Variants in ARL13B observed in about 807,000 individuals in gnomAD.
The protein encoded by ARL13B is ARF like GTPase 13B.
ARL13B carries 36 observed loss-of-function variants against 56.1 expected under a neutral mutation model. That is an observed-to-expected ratio of 0.64 (90% CI 0.49 to 0.85). The LOEUF is 0.85. Ranked by LOEUF, ARL13B falls within the 40% of genes least tolerant of loss-of-function variation. ARL13B has a pLI of 0.00. For synonymous variants in ARL13B, 178 were observed against 171.1 expected (o/e 1.04, Z -0.32); for missense variants, 519 against 507.1 (o/e 1.02, Z -0.23).
chr3:94,013,459 TA>T (rs764274872), intron 3 of ARL13B, among the ~76,000 whole-genome samples: 4 of 152,244 alleles, frequency 2.6e-5, no homozygotes, highest in Non-Finnish European at 5.9e-5. Context: ...CAGTTGCCTT[TA>T]ATTTGACTTT....
At chr3:94,042,823 T>C (rs996016311) in intron 6 of ARL13B, among the ~76,000 whole-genome samples, 192 bp from the exon 7 acceptor site, 9 of 152,208 alleles carry the variant, frequency 5.9e-5, no homozygotes, top group African/African-American at 1.7e-4. Flanking sequence ...GCTTTTGTTA[T>C]ACTTTCTGTT....
chr3:94,026,063 A>G (rs2076550598), intron 3 of ARL13B, among the ~76,000 whole-genome samples: 1 of 141,872 alleles, frequency 7.0e-6, no homozygotes, highest in South Asian at 2.2e-4. Context: ...TCTGTCGCCC[A>G]GGCTGGAGTG....
intron 3 of ARL13B, among the ~76,000 whole-genome samples, chr3:94,033,722 A>T (rs1016617750): frequency 5.3e-5 from 8 of 152,226 alleles, no homozygotes; most frequent in Non-Finnish European, 8.8e-5. Flanking sequence ...AGTTAATTTT[A>T]TACCACCAAA....
intron 1 of ARL13B, among the ~76,000 whole-genome samples, 184 bp downstream of exon 1, chr3:93,980,666 C>T (rs1381223818): frequency 1.3e-5 from 2 of 151,922 alleles, no homozygotes; most frequent in African/African-American, 2.4e-5. Flanking sequence ...GGTCGACTTT[C>T]TGTTGCGATT....
In ARL13B at chr3:94,029,341, TTTTTTTTA is replaced by T. The variant is rs1172096763; in HGVS notation, c.381-5982_381-5975del. Among the ~76,000 whole-genome samples the T allele has an allele frequency of 3.2e-3, 307 of 96,530 alleles. 9 individuals are homozygous for T. Among genetic ancestry groups the T allele is most frequent in the African/African-American group, 0.016 (269 of 16,408 alleles). 63.3% of individuals were successfully genotyped at this position (96,530 alleles called of 152,430 possible). A position where few individuals can be genotyped will look rare whatever the true frequency, so the allele number is the denominator to read the frequency against. ...ATATATATATATATATATATTTATT[TTTTTTTTA>T]TTTTTTTTTTTTTTTGAGAAGGAGT... On this transcript the variant is annotated intron_variant, in intron 3 of 9. Coordinates refer to ENST00000394222, the MANE Select transcript of ARL13B (RefSeq NM_001174150.2).
chr3:94,032,670 G>C (rs1298159620), intron 3 of ARL13B, among the ~76,000 whole-genome samples: 1 of 152,006 alleles, frequency 6.6e-6, no homozygotes, highest in African/African-American at 2.4e-5. Flanking sequence ...CTAGTTTTTT[G>C]TATTTTTAGT....
At chr3:94,043,824 G>T (rs954314642) in intron 7 of ARL13B, among the ~76,000 whole-genome samples, 6 of 147,630 alleles carry the variant, frequency 4.1e-5, no homozygotes, top group African/African-American at 1.3e-4. Flanking sequence ...CTCCTGACTG[G>T]TTTTTGTATT....
Position 94,004,594 on chromosome 3 carries a change from C to T in ARL13B, c.380+686C>T, listed in dbSNP as rs2076103426. ...TAAATATTTGCCCTTGCCGTCTTGT[C>T]CCTTTTCCCTTGTTCTTGTGGTTCA... On this transcript the variant is annotated intron_variant, in intron 3 of 9. Coordinates refer to ENST00000394222, the MANE Select transcript of ARL13B (RefSeq NM_001174150.2). Among the ~76,000 whole-genome samples, 3 of 151,032 alleles carry T rather than the reference C, an allele frequency of 2.0e-5. 1 individual carries two copies. The South Asian group carries it at 6.3e-4, about 32-fold the overall frequency.
intron 7 of ARL13B, 86 bp from the exon 8 acceptor site, chr3:94,049,320 C>T (rs1055367718): frequency 2.6e-5 from 19 of 733,404 alleles, no homozygotes; most frequent in Non-Finnish European, 3.9e-5. Context: ...TTAATAATAT[C>T]AGTATTCTTG....
chr3:94,037,655 A>G (rs1215228486), intron 5 of ARL13B, among the ~76,000 whole-genome samples: 1 of 152,042 alleles, frequency 6.6e-6, no homozygotes, highest in Non-Finnish European at 1.5e-5. Flanking sequence ...TTTTTATCAT[A>G]TAAAGCTCAG....
chr3:93,986,359 A>G (rs769618260), intron 1 of ARL13B, among the ~76,000 whole-genome samples: 28 of 152,180 alleles, frequency 1.8e-4, no homozygotes, highest in Non-Finnish European at 3.8e-4. Context: ...GGGGTTCTAG[A>G]TCTGAATTGA....
chr3:94,005,622 T>C (rs2076120882), intron 3 of ARL13B, among the ~76,000 whole-genome samples: 1 of 152,240 alleles, frequency 6.6e-6, no homozygotes, highest in Non-Finnish European at 1.5e-5. Flanking sequence ...TCATAGTTAG[T>C]GAGAATTCAC....
chr3:94,030,531 C>T (rs1248844957), intron 3 of ARL13B, among the ~76,000 whole-genome samples: 5 of 151,612 alleles, frequency 3.3e-5, no homozygotes, highest in Admixed American at 1.3e-4. Context: ...CACGTCCAGC[C>T]GATATAAATA....
At chr3:94,052,447 G>T (rs937358670) in intron 9 of ARL13B, among the ~76,000 whole-genome samples, 89 of 152,040 alleles carry the variant, frequency 5.9e-4, no homozygotes, top group Non-Finnish European at 7.4e-5. Context: ...GCATTAGAAC[G>T]AGGTCTTCAA....
At position 94,055,504 on chromosome 3, in the gene ARL13B, TATG is replaced by T. The variant is rs1420396264; in HGVS notation, c.*2245_*2247del. On this transcript the variant is annotated 3_prime_UTR_variant, in exon 10 of 10. Transcript: ENST00000394222. Reference sequence around the variant, plus strand: ...TGCAGCTACAAATAGCATTTCACCATATGATGTTAGAGGATTTGATGTCTGTCT... The same window carrying T: ...TGCAGCTACAAATAGCATTTCACCATATGTTAGAGGATTTGATGTCTGTCT... 1 of 453,874 alleles carries T rather than the reference TATG, an allele frequency of 2.2e-6. No individual in the cohort carries two copies. Among genetic ancestry groups the T allele is most frequent in the African/African-American group, 2.0e-5 (1 of 50,010 alleles). The allele number at this position is 453,874 out of a possible 1,614,324, so 28.1% of individuals were successfully genotyped here. A position where few individuals can be genotyped will look rare whatever the true frequency, so the allele number is the denominator to read the frequency against.
In ARL13B at chr3:93,980,726, AGTGT is replaced by A. The variant is rs35756044; in HGVS notation, c.59+276_59+279del. Among the ~76,000 whole-genome samples, 6,802 of 146,990 alleles carry A rather than the reference AGTGT, an allele frequency of 0.046. 210 individuals are homozygous for A. The highest frequency in any genetic ancestry group is 0.082 in the African/African-American group (3,312 of 40,216). ...TTAAATAGGTTTGAATTTGTTAAAAAGTGTGTGTGTGTGTGTGTGTGTGTGTGTG... is the reference window on the plus strand; with the variant it reads ...TTAAATAGGTTTGAATTTGTTAAAAAGTGTGTGTGTGTGTGTGTGTGTGTG... On this transcript the variant is annotated intron_variant, in intron 1 of 9. Coordinates refer to ENST00000394222, the MANE Select transcript of ARL13B (RefSeq NM_001174150.2).
intron 6 of ARL13B, 76 bp downstream of exon 6, chr3:94,040,064 G>GA: frequency 7.8e-7 from 1 of 1,275,134 alleles, no homozygotes; most frequent in East Asian, 2.4e-5. Flanking sequence ...GGAAAGTTGG[G>GA]AAAGGAGGCA....
intron 5 of ARL13B, among the ~76,000 whole-genome samples, chr3:94,038,323 A>G (rs1246011524): frequency 6.6e-6 from 1 of 152,136 alleles, no homozygotes; most frequent in African/African-American, 2.4e-5. Flanking sequence ...AAGTCACAGA[A>G]GTAGTAAATT....
chr3:94,048,572 ATTTG>A (rs1576056884), intron 7 of ARL13B, among the ~76,000 whole-genome samples: 1 of 151,386 alleles, frequency 6.6e-6, no homozygotes, highest in Non-Finnish European at 1.5e-5. Flanking sequence ...GAGTTATTTT[ATTTG>A]TTTATTTACT....
Sources: gnomAD v4.1 joint callset for allele counts (sites outside exome capture counted in the v4.1 genomes callset) on GRCh38, gnomAD v4.1.1 for gene constraint, MANE v1.5 for transcripts, NCBI Gene and HGNC (gene_info 2026-07-23, HGNC 2026-07-21) for gene names.